MBP: variants seen among roughly 807,000 people sequenced by gnomAD.
MBP encodes the protein Golli-MBP.
Under a neutral mutation model 35.8 loss-of-function variants are expected in MBP, and 16 were observed. That is an observed-to-expected ratio of 0.45 (90% confidence interval 0.30 to 0.68). The LOEUF (loss-of-function observed/expected upper bound fraction) is 0.68. Among genes scored for constraint, MBP ranks in the 30% least tolerant of loss-of-function variants. The pLI, the probability that MBP is intolerant of heterozygous loss-of-function variation, is 0.08. For missense variants in MBP, 380 were observed against 404.7 expected, an observed-to-expected ratio of 0.94 and a Z score of 0.52; for synonymous variants, 143 against 159.6, an observed-to-expected ratio of 0.90 and a Z score of 0.78.
At chr18:77,017,593 C>T (rs1048035445) in intron 3 of MBP, 3 of 240,872 alleles carry the variant, frequency 1.2e-5, no homozygotes, top group African/African-American at 4.5e-5. Flanking sequence ...CATGGCTGCT[C>T]CCGGAGAGCC....
rs1975989559 is a variant in MBP at position 77,101,099 on chromosome 18, C to T, written c.51+4112G>A. 6.6e-6 allele frequency among the ~76,000 whole-genome samples: 1 copy of T among 152,204 alleles called. No homozygotes were observed. Among genetic ancestry groups the T allele is most frequent in the South Asian group, 2.1e-4 (1 of 4,830 alleles). On this transcript the variant is annotated intron_variant, in intron 2 of 8. Transcript: ENST00000355994. This position sits in a 1 kb window ranked among gnomAD's most constrained non-coding sequence, Gnocchi z 4.3. ...TGAATTCCTCCAGTAGCCAGTGAAG[C>T]CAAGTGTCTTACGTCCTAAGGACCA...
At chr18:77,037,852 G>C (rs1355432338) in intron 3 of MBP, among the ~76,000 whole-genome samples, 2 of 152,218 alleles carry the variant, frequency 1.3e-5, no homozygotes, top group Non-Finnish European at 1.5e-5. Context: ...ACGGGCCTCC[G>C]AACAGGCCTC....
chr18:77,127,471 G>A (rs974376323), intron 1 of MBP: 2 of 152,078 alleles, frequency 1.3e-5, no homozygotes, highest in East Asian at 1.9e-4. Context: ...GAAAATCTTC[G>A]GGAACCTCAG....
chr18:77,118,552 G>C (rs1275190117), intron 1 of MBP, among the ~76,000 whole-genome samples: 1 of 151,552 alleles, frequency 6.6e-6, no homozygotes, highest in African/African-American at 2.4e-5. Flanking sequence ...GAGACAGTGC[G>C]GAAAGCTGGA....
chr18:77,085,534 A>C (rs1176147289), intron 2 of MBP, among the ~76,000 whole-genome samples: 2 of 152,152 alleles, frequency 1.3e-5, no homozygotes, highest in African/African-American at 4.8e-5. Context: ...TCTGGTGCTC[A>C]GCTAGCGCGG....
At chr18:77,104,837 G>A (rs890370043) in intron 2 of MBP, among the ~76,000 whole-genome samples, 6 of 152,056 alleles carry the variant, frequency 3.9e-5, no homozygotes, top group African/African-American at 1.2e-4. Context: ...ACAGAATGTG[G>A]ACCAAGAGGA....
chr18:77,078,069 C>G (rs537615501), intron 2 of MBP, among the ~76,000 whole-genome samples: 11 of 152,346 alleles, frequency 7.2e-5, no homozygotes, highest in African/African-American at 2.4e-4. Context: ...CCAGCCCCAG[C>G]AGCTGAAGGA....
At chr18:77,087,172 C>T (rs1975272359) in intron 2 of MBP, among the ~76,000 whole-genome samples, 1 of 152,234 alleles carries the variant, frequency 6.6e-6, no homozygotes, top group South Asian at 2.1e-4. Flanking sequence ...GGAGGGACTC[C>T]TGACCCATCC....
At chr18:77,072,020 T>A (rs1201299787) in intron 2 of MBP, among the ~76,000 whole-genome samples, 1 of 152,108 alleles carries the variant, frequency 6.6e-6, no homozygotes, top group Non-Finnish European at 1.5e-5. Flanking sequence ...TGACCTTATT[T>A]AAAAAACAAA....
At chr18:76,984,472 A>C in intron 8 of MBP, 1 of 345,042 alleles carries the variant, frequency 2.9e-6, no homozygotes, top group South Asian at 3.1e-5. Flanking sequence ...GGCATGAGCA[A>C]GTTGGACTCC....
chr18:77,130,057 AAAAG>A lies in MBP; in HGVS notation c.-26+2519_-26+2522del, dbSNP rs1181856795. Among the ~76,000 whole-genome samples the A allele has an allele frequency of 1.5e-4, 22 of 150,938 alleles. 1 individual carries two copies. Among genetic ancestry groups the A allele is most frequent in the African/African-American group, 5.4e-4 (22 of 40,650 alleles). On this transcript the variant is annotated intron_variant, in intron 1 of 8. Coordinates refer to ENST00000355994, the MANE Select transcript of MBP (RefSeq NM_001025101.2). Reference sequence around the variant, plus strand: ...GAGCAAGACTCTGTCAAAAAAAAAAAAAAGAAAAAGAAAAGGAGTAATTAGAATA... The same window carrying A: ...GAGCAAGACTCTGTCAAAAAAAAAAAAAAAAGAAAAGGAGTAATTAGAATA...
At chr18:76,985,331 C>G in intron 7 of MBP, 1 of 1,290,320 alleles carries the variant, frequency 7.8e-7, no homozygotes, top group South Asian at 1.2e-5. Flanking sequence ...GGTGCCGGTC[C>G]CCGGAGGCCC....
chr18:76,997,793 C>T (rs1339826989), intron 4 of MBP, among the ~76,000 whole-genome samples: 2 of 151,282 alleles, frequency 1.3e-5, no homozygotes. Flanking sequence ...CGCCACTCTC[C>T]TGCCTCAACC....
chr18:77,128,165 A>G (rs887972737), intron 1 of MBP, among the ~76,000 whole-genome samples: 5 of 152,218 alleles, frequency 3.3e-5, no homozygotes, highest in African/African-American at 4.8e-5. Context: ...GGTTGAACAC[A>G]CCTTGGTTCA....
intron 2 of MBP, among the ~76,000 whole-genome samples, chr18:77,075,685 C>G (rs914728983): frequency 9.9e-5 from 15 of 152,110 alleles, no homozygotes; most frequent in African/African-American, 3.1e-4. Context: ...CTTGAATGCC[C>G]ACATGGAAGA....
chr18:77,105,777 A>G (rs948594923), intron 1 of MBP, among the ~76,000 whole-genome samples: 1 of 152,270 alleles, frequency 6.6e-6, no homozygotes. Flanking sequence ...GCACAGAAAG[A>G]GCCAACATTA....
chr18:77,031,882 G>C (rs952624328), intron 3 of MBP, among the ~76,000 whole-genome samples: 1 of 152,222 alleles, frequency 6.6e-6, no homozygotes, highest in East Asian at 1.9e-4. Context: ...GTGCCCAGTG[G>C]GAGCCAGGGC....
chr18:77,096,432 C>G (rs1975759812), intron 2 of MBP, among the ~76,000 whole-genome samples: 1 of 151,880 alleles, frequency 6.6e-6, no homozygotes, highest in South Asian at 2.1e-4. Flanking sequence ...CTCATTCCTC[C>G]TGTCTGCAGT....
chr18:76,980,910 G>A (rs931560954), intron 8 of MBP: 15 of 171,270 alleles, frequency 8.8e-5, no homozygotes, highest in Admixed American at 7.9e-4. Context: ...CTTGCTACAC[G>A]CGCCAGCAAA....
Sources: gnomAD v4.1 joint callset for allele counts (sites outside exome capture counted in the v4.1 genomes callset) on GRCh38, gnomAD v4.1.1 for gene constraint, Gnocchi (gnomAD v3.1) non-coding constraint, MANE v1.5 for transcripts, NCBI Gene and HGNC (gene_info 2026-07-23, HGNC 2026-07-21) for gene names.